The following MAMLD1 variants were observed in gnomAD, a reference collection of about 807,000 sequenced individuals.
The protein encoded by MAMLD1 is mastermind-like domain-containing protein 1.
MAMLD1 carries 14 observed loss-of-function variants against 45.0 expected under a neutral mutation model. The observed-to-expected ratio is 0.31, with a 90% CI of 0.21 to 0.49. The LOEUF is 0.49. MAMLD1 is among the 20% of genes least tolerant of loss of function. The probability of loss-of-function intolerance (pLI) is 0.99; values close to 1 mark genes in which losing one functional copy is unlikely to be tolerated. For synonymous variants in MAMLD1, 254 were observed against 247.8 expected, an observed-to-expected ratio of 1.02 and a Z score of -0.24; for missense variants, 543 against 603.6, an observed-to-expected ratio of 0.90 and a Z score of 1.05.
At chrX:150,367,691 T>A (rs1343129598) in intron 1 of MAMLD1, among the ~76,000 whole-genome samples, 1 of 111,458 alleles carries the variant, frequency 9.0e-6, no homozygotes, top group Non-Finnish European at 1.9e-5. Flanking sequence ...GTATATCTCC[T>A]AATGCTGTCC....
At chrX:150,443,220 T>A (rs920913776) in intron 1 of MAMLD1, among the ~76,000 whole-genome samples, 4 of 102,183 alleles carry the variant, frequency 3.9e-5, no homozygotes, top group Non-Finnish European at 8.0e-5. Context: ...CAATTATGTC[T>A]TTGAATACTT....
intron 1 of MAMLD1, among the ~76,000 whole-genome samples, chrX:150,365,718 C>T (rs1218415524): frequency 1.8e-5 from 2 of 112,249 alleles, no homozygotes; most frequent in Non-Finnish European, 3.8e-5. Context: ...TCAAACTCTC[C>T]GAGCGCCCTT....
intron 3 of MAMLD1, among the ~76,000 whole-genome samples, chrX:150,469,387 G>C (rs958142419): frequency 8.9e-6 from 1 of 111,805 alleles, no homozygotes; most frequent in Non-Finnish European, 1.9e-5. Flanking sequence ...TTTGCATAAC[G>C]TTCTATCCCG....
chrX:150,399,628 A>G (rs2033665048), intron 1 of MAMLD1, among the ~76,000 whole-genome samples: 1 of 111,275 alleles, frequency 9.0e-6, no homozygotes, highest in African/African-American at 3.3e-5. Flanking sequence ...ATGAAGACAG[A>G]GGGAGAGATA....
intron 2 of MAMLD1, among the ~76,000 whole-genome samples, chrX:150,447,575 A>G (rs1201097196): frequency 9.0e-6 from 1 of 111,620 alleles, no homozygotes; most frequent in Non-Finnish European, 1.9e-5. Context: ...TCTGCTGCAC[A>G]TGCTGAGGAT....
At position 150,470,430 on chromosome X, in the gene MAMLD1, A is replaced by T. The variant is rs1430562828; in HGVS notation, c.857A>T (p.Gln286Leu). The T allele has an allele frequency of 8.3e-7, 1 of 1,210,638 alleles. No individual in the cohort carries two copies. Among genetic ancestry groups the T allele is most frequent in the Non-Finnish European group, 1.1e-6 (1 of 895,390 alleles). The stretch of plus-strand genomic sequence containing the variant: ...ATGGCACAGTCCAAGAGCCAGGTCC[A>T]GGCCATGCTCCCTGTCGCTCTGCCC... The part of the protein sequence containing the change: ...SSMAQSKSQV[Q>L]AMLPVALPPL... The change falls in exon 4 of 8, where the codon CAG (glutamine) becomes CTG (leucine). Residue 286 changes from glutamine (Q) to leucine (L), a missense_variant. Gln to Leu is a moderately radical substitution (Grantham distance 113). Transcript: ENST00000370401.
chrX:150,499,502 A>C (rs1200348998), intron 5 of MAMLD1, among the ~76,000 whole-genome samples: 1 of 111,825 alleles, frequency 8.9e-6, no homozygotes, highest in East Asian at 2.8e-4. Context: ...GAGCCATTTG[A>C]GCTACAGAAT....
At chrX:150,370,610 C>A (rs1248856545) in intron 1 of MAMLD1, among the ~76,000 whole-genome samples, 1 of 111,157 alleles carries the variant, frequency 9.0e-6, no homozygotes, top group Non-Finnish European at 1.9e-5. Flanking sequence ...CAGCCCAGGG[C>A]TGCTGAAGCC....
At position 150,445,577 on chromosome X, in the gene MAMLD1, G is replaced by A. The variant is rs1557404753; in HGVS notation, c.61G>A (p.Gly21Arg). 2 of 1,210,668 alleles carry A rather than the reference G, an allele frequency of 1.7e-6. No homozygotes were observed. Among genetic ancestry groups the A allele is most frequent in the East Asian group, 5.9e-5 (2 of 33,828 alleles). ...KSMLPHFAMV[G>R]NRQEPRKLQE... is the part of the protein sequence containing the mutation. ...CATGCTTCCCCATTTCGCCATGGTG[G>A]GAAATCGTCAGGAGCCCAGAAAGCT... is the stretch of plus-strand genomic sequence containing the variant. The change falls in exon 2 of 8, where the codon GGA becomes AGA. Residue 21 changes from glycine to arginine, a missense_variant. Transcript: ENST00000370401.
At position 150,459,455 on chromosome X, in the gene MAMLD1, T is replaced by C. The variant is rs1276130709; in HGVS notation, c.97-3317T>C. Among the ~76,000 whole-genome samples, 7 of 109,797 alleles carry C rather than the reference T, an allele frequency of 6.4e-5. No individual in the cohort carries two copies. The Admixed American group carries it at 6.8e-4, about 11-fold the overall frequency. On this transcript the variant is annotated intron_variant, in intron 2 of 7. Coordinates refer to ENST00000370401, the MANE Select transcript of MAMLD1 (RefSeq NM_005491.5). ...TTCAACCATTGCCCTATCATCTGAA[T>C]GGCACCTTGGCCCATTTCCTCCAAG...
At chrX:150,419,686 C>T (rs2034414555) in intron 1 of MAMLD1, among the ~76,000 whole-genome samples, 1 of 87,223 alleles carries the variant, frequency 1.1e-5, no homozygotes. Context: ...TTTATTTCTC[C>T]TTCACTTATG....
At chrX:150,422,177 G>T (rs1355810559) in intron 1 of MAMLD1, among the ~76,000 whole-genome samples, 1 of 112,488 alleles carries the variant, frequency 8.9e-6, no homozygotes, top group Non-Finnish European at 1.9e-5. Context: ...TCACTGGACA[G>T]CCTGGGAGGC....
chrX:150,511,425 T>G (rs2037895182), intron 7 of MAMLD1, among the ~76,000 whole-genome samples: 1 of 111,838 alleles, frequency 8.9e-6, no homozygotes, highest in African/African-American at 3.3e-5. Flanking sequence ...GAACAAATGT[T>G]GTCTGAGCCC....
At chrX:150,389,296 C>A (rs888361398) in intron 1 of MAMLD1, among the ~76,000 whole-genome samples, 16 of 111,738 alleles carry the variant, frequency 1.4e-4, no homozygotes, top group African/African-American at 4.9e-4. Context: ...ATCCGCCCAC[C>A]CTGGCCTCCC....
chrX:150,495,020 A>G (rs183779421), intron 5 of MAMLD1, among the ~76,000 whole-genome samples: 1 of 112,428 alleles, frequency 8.9e-6, no homozygotes, highest in East Asian at 2.8e-4. Context: ...AGCCTGGCCA[A>G]CATGGCGAAA....
intron 1 of MAMLD1, among the ~76,000 whole-genome samples, chrX:150,429,524 AG>A: frequency 9.0e-6 from 1 of 111,444 alleles, no homozygotes; most frequent in Middle Eastern, 4.7e-3. Flanking sequence ...AGTTTTCCCC[AG>A]TGGTTACAAC....
intron 1 of MAMLD1, among the ~76,000 whole-genome samples, chrX:150,401,310 C>T (rs1414293619): frequency 9.7e-6 from 1 of 103,358 alleles, no homozygotes; most frequent in East Asian, 3.0e-4. Context: ...TGAGTGAACT[C>T]CCATTCACAA....
chrX:150,398,243 G>GAGGAGA (rs1569564541), intron 1 of MAMLD1, among the ~76,000 whole-genome samples: 1 of 78,471 alleles, frequency 1.3e-5, no homozygotes, highest in East Asian at 4.0e-4. Context: ...GAAGGAGAAG[G>GAGGAGA]AGGAGAAGGA....
chrX:150,413,915 AT>A (rs2034183342), intron 1 of MAMLD1, among the ~76,000 whole-genome samples: 1 of 106,348 alleles, frequency 9.4e-6, no homozygotes, highest in Admixed American at 1.0e-4. Context: ...CTGCCTGGTC[AT>A]CGATGGCCAG....
Sources: allele counts gnomAD v4.1 joint callset (sites outside exome capture counted in the v4.1 genomes callset), GRCh38; gene constraint gnomAD v4.1.1; transcripts MANE v1.5; gene names NCBI Gene and HGNC (gene_info 2026-07-23, HGNC 2026-07-21).